HMGCLL1: variants seen among roughly 807,000 people sequenced by gnomAD.
HMGCLL1 encodes the protein 3-hydroxy-3-methylglutaryl-CoA lyase like 1, also known as 3-hydroxymethyl-3-methylglutaryl-CoA lyase, cytoplasmic.
HMGCLL1 carries 36 observed loss-of-function variants against 39.1 expected under a neutral mutation model. That is an observed-to-expected ratio of 0.92 (90% CI 0.71 to 1.22). HMGCLL1 has a LOEUF of 1.22. Among genes scored for constraint, HMGCLL1 ranks in the 50% most tolerant of loss-of-function variants. The probability of loss-of-function intolerance (pLI) is 0.00; values close to 1 mark genes in which losing one functional copy is unlikely to be tolerated. For missense variants in HMGCLL1, 451 were observed against 416.5 expected, an observed-to-expected ratio of 1.08 and a Z score of -0.72; for synonymous variants, 149 against 144.0, an observed-to-expected ratio of 1.03 and a Z score of -0.25.
At chr6:55,603,628 A>AG in the HMGCLL1 span, among the ~76,000 whole-genome samples, 56 of 152,302 alleles carry the variant, frequency 3.7e-4, no homozygotes, top group Non-Finnish European at 6.5e-4. Flanking sequence ...ATGTCACCAC[A>AG]GAAGGTCTTC....
the HMGCLL1 span, among the ~76,000 whole-genome samples, chr6:55,655,304 C>T: frequency 3.6e-4 from 54 of 152,020 alleles, no homozygotes; most frequent in South Asian, 0.01. Flanking sequence ...TATTCACTTA[C>T]CTTAATACGT....
At chr6:55,462,809 TATACATTTCAGTCA>T (rs1764631896) in intron 7 of HMGCLL1, among the ~76,000 whole-genome samples, 1 of 152,182 alleles carries the variant, frequency 6.6e-6, no homozygotes. Flanking sequence ...ATATTGCTGC[TATACATTTCAGTCA>T]ATAGGCTTCT....
intron 7 of HMGCLL1, among the ~76,000 whole-genome samples, chr6:55,474,843 C>T (rs1765215814): frequency 1.3e-5 from 2 of 151,568 alleles, no homozygotes; most frequent in Admixed American, 1.3e-4. Context: ...CTTCAAATTT[C>T]TCTAGTTTCC....
intron 7 of HMGCLL1, among the ~76,000 whole-genome samples, chr6:55,456,765 G>A (rs1044717397): frequency 6.6e-5 from 10 of 152,176 alleles, no homozygotes; most frequent in Admixed American, 6.5e-4. Flanking sequence ...TGGATGCTGG[G>A]CTCCAGTAAC....
the HMGCLL1 span, among the ~76,000 whole-genome samples, chr6:55,627,446 G>C: frequency 1.3e-5 from 2 of 151,926 alleles, no homozygotes; most frequent in Non-Finnish European, 2.9e-5. Flanking sequence ...TTCATTTTAA[G>C]ATTATGTATG....
chr6:55,493,094 TA>T (rs1408319081), intron 7 of HMGCLL1, among the ~76,000 whole-genome samples: 2 of 150,788 alleles, frequency 1.3e-5, no homozygotes, highest in Non-Finnish European at 3.0e-5. Context: ...ATGTATATAT[TA>T]ATAATGTATA....
chr6:55,597,533 A>G, the HMGCLL1 span, among the ~76,000 whole-genome samples: 1 of 151,842 alleles, frequency 6.6e-6, no homozygotes, highest in Non-Finnish European at 1.5e-5. Flanking sequence ...AAAAGAAGGA[A>G]AAAAAAGAGG....
intron 7 of HMGCLL1, among the ~76,000 whole-genome samples, chr6:55,469,355 G>A (rs1456729125): frequency 6.7e-6 from 1 of 148,262 alleles, no homozygotes. Flanking sequence ...CTTACTGATA[G>A]TGCATATATA....
the HMGCLL1 span, among the ~76,000 whole-genome samples, chr6:55,590,880 C>T: frequency 6.6e-6 from 1 of 151,858 alleles, no homozygotes; most frequent in Non-Finnish European, 1.5e-5. Flanking sequence ...GTGCCTAAAC[C>T]TATGAAGCAC....
chr6:55,635,633 A>G, the HMGCLL1 span, among the ~76,000 whole-genome samples: 1 of 152,134 alleles, frequency 6.6e-6, no homozygotes, highest in Non-Finnish European at 1.5e-5. Flanking sequence ...CTTTCGCTTA[A>G]GTTTGTGGAG....
intron 7 of HMGCLL1, among the ~76,000 whole-genome samples, chr6:55,444,418 T>C (rs530191095): frequency 6.6e-6 from 1 of 152,168 alleles, no homozygotes; most frequent in Non-Finnish European, 1.5e-5. Flanking sequence ...TAAAGACTCA[T>C]CACAGTATGT....
chr6:55,440,816 T>A (rs577231909), intron 7 of HMGCLL1, among the ~76,000 whole-genome samples: 115 of 152,288 alleles, frequency 7.6e-4, no homozygotes, highest in Non-Finnish European at 1.2e-3. Flanking sequence ...TTCTGACAGC[T>A]GCTGCTCATG....
In HMGCLL1 at chr6:55,564,495, T is replaced by C. The variant is rs1458684003; in HGVS notation, c.108+14453A>G. Among the ~76,000 whole-genome samples, 4 of 152,218 alleles carry C rather than the reference T, an allele frequency of 2.6e-5. No homozygotes were observed. The East Asian group carries it at 7.7e-4, about 29-fold the overall frequency. ...CATGTTGGTGTTCTTATTACATTTA[T>C]TGCATTATACTTTACACACTATGGC... On this transcript the variant is annotated intron_variant, in intron 1 of 8. Transcript: ENST00000274901.
At chr6:55,560,097 T>C (rs1018807524) in intron 1 of HMGCLL1, among the ~76,000 whole-genome samples, 6 of 152,116 alleles carry the variant, frequency 3.9e-5, no homozygotes, top group Non-Finnish European at 8.8e-5. Flanking sequence ...GACAGGATTG[T>C]TCACAAGAAG....
At chr6:55,652,947 T>C in the HMGCLL1 span, among the ~76,000 whole-genome samples, 1 of 152,080 alleles carries the variant, frequency 6.6e-6, no homozygotes, top group Non-Finnish European at 1.5e-5. Context: ...TTAGCTCACC[T>C]GAATAAACAA....
chr6:55,471,251 A>T (rs1352684911), intron 7 of HMGCLL1, among the ~76,000 whole-genome samples: 1 of 150,630 alleles, frequency 6.6e-6, no homozygotes, highest in Non-Finnish European at 1.5e-5. Context: ...GACTGCACAT[A>T]GCTGTCAATA....
At chr6:55,528,165 G>A (rs1218264284) in intron 3 of HMGCLL1, among the ~76,000 whole-genome samples, 4 of 152,040 alleles carry the variant, frequency 2.6e-5, no homozygotes, top group African/African-American at 7.2e-5. Context: ...AGCGGATAAT[G>A]TCAGAAGCTA....
chr6:55,447,495 C>G (rs967091145), intron 7 of HMGCLL1, among the ~76,000 whole-genome samples: 1 of 151,914 alleles, frequency 6.6e-6, no homozygotes, highest in African/African-American at 2.4e-5. Flanking sequence ...TTCACTCCTC[C>G]TTGCCTTCAA....
chr6:55,575,916 T>C (rs554056032), intron 1 of HMGCLL1, among the ~76,000 whole-genome samples: 10 of 152,180 alleles, frequency 6.6e-5, no homozygotes, highest in Non-Finnish European at 1.2e-4. Context: ...GAACAAATGC[T>C]AAGAAGAAGT....
Sources: gnomAD v4.1 joint callset for allele counts (sites outside exome capture counted in the v4.1 genomes callset) on GRCh38, gnomAD v4.1.1 for gene constraint, MANE v1.5 for transcripts, NCBI Gene and HGNC (gene_info 2026-07-23, HGNC 2026-07-21) for gene names.